The following ACBD3 variants were observed in gnomAD, a reference collection of about 807,000 sequenced individuals.
ACBD3 encodes Golgi resident protein GCP60.
ACBD3 carries 30 observed loss-of-function variants against 66.9 expected under a neutral mutation model. The ratio of observed to expected loss-of-function variants is 0.45; its 90% confidence interval spans 0.34 to 0.61. The LOEUF (loss-of-function observed/expected upper bound fraction) is 0.61, where lower values mean the gene tolerates loss of function less well. ACBD3 is among the 20% of genes least tolerant of loss of function. ACBD3 has a pLI of 0.02. For synonymous variants in ACBD3, 278 were observed against 259.8 expected (o/e 1.07, Z -0.68); for missense variants, 544 against 664.5 (o/e 0.82, Z 1.99).
intron 1 of ACBD3, among the ~76,000 whole-genome samples, chr1:226,181,742 G>C (rs1264475955): frequency 6.6e-6 from 1 of 152,106 alleles, no homozygotes; most frequent in African/African-American, 2.4e-5. Flanking sequence ...CAATCTACCA[G>C]CTTAATGTAA....
chr1:226,174,376 T>C (rs938356810), intron 1 of ACBD3, among the ~76,000 whole-genome samples: 1 of 152,180 alleles, frequency 6.6e-6, no homozygotes, highest in Non-Finnish European at 1.5e-5. Flanking sequence ...AACATGCAGA[T>C]AAACCTCTAA....
In ACBD3 at chr1:226,172,141, G is replaced by A. The variant is rs942261281; in HGVS notation, c.287-6141C>T. ...CTGTACTCCAGCCTGGGAAACAAGA[G>A]CAAAACTCCATCTCAAAAAAAAAAA... is the stretch of plus-strand genomic sequence containing the variant. On this transcript the variant is annotated intron_variant, in intron 1 of 7. Transcript: ENST00000366812. Among the ~76,000 whole-genome samples, 3 of 43,206 alleles carry A rather than the reference G, an allele frequency of 6.9e-5. No homozygotes were observed. The Admixed American group carries it at 1.2e-3, about 17-fold the overall frequency. The allele number at this position is 43,206 out of a possible 152,430, so 28.3% of individuals were successfully genotyped here.
intron 7 of ACBD3, among the ~76,000 whole-genome samples, chr1:226,148,659 A>C (rs1659504221): frequency 6.6e-6 from 1 of 152,230 alleles, no homozygotes; most frequent in Admixed American, 6.5e-5. Flanking sequence ...ATGGAGAATT[A>C]AAACAGGAGG....
At position 226,146,532 on chromosome 1, in the gene ACBD3, C is replaced by A; in HGVS notation, c.*78G>T. ...AAGGTAAACTGTGACTCTAATGCTC[C>A]ACAAAAGTAAAAAGAAATTTCCAAA... is the stretch of plus-strand genomic sequence containing the variant. On this transcript the variant is annotated 3_prime_UTR_variant, in exon 8 of 8. Transcript: ENST00000366812. The A allele has an allele frequency of 7.7e-7, 1 of 1,300,250 alleles. No homozygotes were observed. The highest frequency in any genetic ancestry group is 2.4e-5 in the East Asian group (1 of 42,132). 80.5% of individuals were successfully genotyped at this position (1,300,250 alleles called of 1,614,324 possible).
rs1659462494 is a variant in ACBD3 at position 226,146,810 on chromosome 1, A to G, written c.1387T>C (p.Cys463Arg). 5.0e-6 allele frequency: 8 copies of G among 1,614,114 alleles called. No homozygotes were observed. The highest frequency in any genetic ancestry group is 6.8e-6 in the Non-Finnish European group (8 of 1,180,024). ...GCATTCTTTTTGGCTTTCTCTTCAC[A>G]ACCGATGTTTTCTGTAAGAACAGAG... ...DDEEEEENIGCEEKAKKNANK... is the reference protein window; with the variant it reads ...DDEEEEENIGREEKAKKNANK... Residue 463 changes from cysteine (C) to arginine (R), a missense_variant, in exon 8 of 8, where the codon TGT becomes CGT. Physicochemically the swap from Cys to Arg is radical, Grantham distance 180. This residue lies in a region of ACBD3 where 383 missense variants were observed against 462.4 expected (regional missense o/e 0.83). Coordinates refer to ENST00000366812, the MANE Select transcript of ACBD3 (RefSeq NM_022735.4).
intron 1 of ACBD3, among the ~76,000 whole-genome samples, chr1:226,169,163 C>G (rs1041695445): frequency 2.6e-5 from 4 of 152,036 alleles, no homozygotes; most frequent in African/African-American, 9.7e-5. Flanking sequence ...GTGCCCACCC[C>G]CTTCTCGCTT....
rs540866648 is a variant in ACBD3, at chr1:226,151,889, C to G, written c.1375+446G>C. Among the ~76,000 whole-genome samples the G allele has an allele frequency of 2.2e-4, 34 of 152,164 alleles. No individual in the cohort carries two copies. In the South Asian group the frequency reaches 2.7e-3, roughly 12 times the overall value. On this transcript the variant is annotated intron_variant, in intron 7 of 7. Transcript: ENST00000366812. ...GGGCACAGTGGTGCGTGCCTGTAAT[C>G]CCAGCTACTCAGGAGGCTGAGGCAG...
intron 1 of ACBD3, 118 bp from the exon 2 acceptor site, chr1:226,166,118 A>G: frequency 3.6e-6 from 4 of 1,123,324 alleles, no homozygotes; most frequent in Non-Finnish European, 4.9e-6. Context: ...ATAGACACAA[A>G]CACTAATAGT....
chr1:226,179,245 G>A (rs1409048445), intron 1 of ACBD3, among the ~76,000 whole-genome samples: 1 of 152,162 alleles, frequency 6.6e-6, no homozygotes, highest in Non-Finnish European at 1.5e-5. Flanking sequence ...CCTGCACAGA[G>A]CAGACACTGA....
In ACBD3 at chr1:226,161,437, C is replaced by A. The variant is rs1659771816; in HGVS notation, c.728+94G>T. On this transcript the variant is annotated intron_variant, in intron 4 of 7. Transcript: ENST00000366812. ...CCTCCCAAAGTGCTGGGATTACAGG[C>A]GTGAACCACCACACCTGGCCCGCTC... is the stretch of plus-strand genomic sequence containing the variant. The A allele has an allele frequency of 3.9e-6, 6 of 1,547,034 alleles. No homozygotes were observed. In the Admixed American group the frequency reaches 1.2e-4, roughly 30 times the overall value.
chr1:226,183,003 G>T (rs1247528780), intron 1 of ACBD3, among the ~76,000 whole-genome samples: 1 of 152,046 alleles, frequency 6.6e-6, no homozygotes, highest in East Asian at 1.9e-4. Flanking sequence ...AAAAAATTAA[G>T]AATAGTTGAC....
At position 226,146,719 on chromosome 1, in the gene ACBD3, G is replaced by A. The variant is rs758418177; in HGVS notation, c.1478C>T (p.Ala493Val). 2 of 1,613,956 alleles carry A rather than the reference G, an allele frequency of 1.2e-6. No homozygotes were observed. The highest frequency in any genetic ancestry group is 3.3e-5 in the Admixed American group (2 of 59,984). The change falls in exon 8 of 8, where the codon GCT becomes GTT. Residue 493 changes from alanine to valine, a missense_variant. Coordinates refer to ENST00000366812, the MANE Select transcript of ACBD3 (RefSeq NM_022735.4). Reference sequence around the variant, plus strand: ...TCTCCCTGGATATTGATGGCTGCCAGCATACACCTCCTCATGACAGTCCCG... The same window carrying A: ...TCTCCCTGGATATTGATGGCTGCCAACATACACCTCCTCATGACAGTCCCG... The part of the protein sequence containing the change: ...YRRDCHEEVY[A>V]GSHQYPGRGV...
intron 1 of ACBD3, among the ~76,000 whole-genome samples, chr1:226,172,177 T>A (rs1308363466): frequency 0.32 from 19,791 of 61,862 alleles, 1,640 homozygotes; most frequent in East Asian, 0.4. Flanking sequence ...AAAAGAGGAA[T>A]ACATTTTCAG....
chr1:226,156,286 T>A (rs375451130), intron 5 of ACBD3, among the ~76,000 whole-genome samples: 33 of 152,366 alleles, frequency 2.2e-4, no homozygotes, highest in African/African-American at 7.7e-4. Context: ...CATTCTTTTT[T>A]ATGTCTGGCT....
At chr1:226,152,761 A>G (rs1201596312) in intron 6 of ACBD3, 142 bp from the exon 7 acceptor site, 1 of 797,178 alleles carries the variant, frequency 1.3e-6, no homozygotes, top group Non-Finnish European at 2.0e-6. Context: ...TTGGAGGAAT[A>G]AAAAAGCCTC....
chr1:226,165,733 G>T, intron 2 of ACBD3, 126 bp downstream of exon 2: 1 of 1,109,332 alleles, frequency 9.0e-7, no homozygotes. Context: ...TCCAGAAGCT[G>T]CAAGCAAAAA....
chr1:226,169,728 A>G (rs1219831754), intron 1 of ACBD3, among the ~76,000 whole-genome samples: 6 of 111,222 alleles, frequency 5.4e-5, no homozygotes, highest in South Asian at 3.2e-4. Flanking sequence ...AAAAAAAAAA[A>G]GGGCATTAAG....
intron 7 of ACBD3, 43 bp downstream of exon 7, chr1:226,152,292 A>G: frequency 6.2e-7 from 1 of 1,600,726 alleles, no homozygotes; most frequent in Non-Finnish European, 8.5e-7. Context: ...ATTTCTGCCA[A>G]CACACAACCC....
intron 1 of ACBD3, among the ~76,000 whole-genome samples, chr1:226,180,892 G>C (rs1037054253): frequency 3.3e-5 from 5 of 151,732 alleles, no homozygotes; most frequent in Non-Finnish European, 7.4e-5. Flanking sequence ...CCAGCTACTC[G>C]GGAGGCTGAG....
Sources: allele counts gnomAD v4.1 joint callset (sites outside exome capture counted in the v4.1 genomes callset), GRCh38; gene constraint gnomAD v4.1.1; regional missense constraint gnomAD v4.1.1; transcripts MANE v1.5; gene names NCBI Gene and HGNC (gene_info 2026-07-23, HGNC 2026-07-21).